The following CLTCL1 variants were observed in gnomAD, a reference collection of about 807,000 sequenced individuals.
CLTCL1 encodes the protein clathrin heavy chain like 1.
In CLTCL1, 159 loss-of-function variants were observed where a neutral mutation model predicts 190.0. That is an observed-to-expected ratio of 0.84 (90% CI 0.74 to 0.95). The LOEUF (loss-of-function observed/expected upper bound fraction) is 0.95, where lower values mean the gene tolerates loss of function less well. CLTCL1 is among the 40% of genes least tolerant of loss of function. The probability of loss-of-function intolerance (pLI) is 0.00; values close to 1 mark genes in which losing one functional copy is unlikely to be tolerated. For missense variants in CLTCL1, 1,878 were observed against 2,033.4 expected, an observed-to-expected ratio of 0.92 and a Z score of 1.47; for synonymous variants, 752 against 769.6, an observed-to-expected ratio of 0.98 and a Z score of 0.38.
chr22:19,252,786 G>A (rs560697107), intron 3 of CLTCL1, among the ~76,000 whole-genome samples: 10 of 152,244 alleles, frequency 6.6e-5, no homozygotes, highest in African/African-American at 1.4e-4. Context: ...AGGCCAAGGC[G>A]GGCGGATCAC....
chr22:19,189,314 C>T (rs1422529438), intron 27 of CLTCL1, among the ~76,000 whole-genome samples: 1 of 152,210 alleles, frequency 6.6e-6, no homozygotes, highest in Admixed American at 6.5e-5. Context: ...ACTAAACAAA[C>T]AAAAAGACTC....
Position 19,291,693 on chromosome 22 carries a change from G to C in CLTCL1, c.-52C>G, listed in dbSNP as rs1352966749. On this transcript the variant is annotated 5_prime_UTR_variant, in exon 1 of 33. Transcript: ENST00000427926. Reference sequence around the variant, plus strand: ...GGCGGCAGCGGCAGGAATGAACGCCGACCCCTCGCGCGGGCTGACCGGTGG... The same window carrying C: ...GGCGGCAGCGGCAGGAATGAACGCCCACCCCTCGCGCGGGCTGACCGGTGG... 4 of 1,322,822 alleles carry C rather than the reference G, an allele frequency of 3.0e-6. No homozygotes were observed. The highest frequency in any genetic ancestry group is 3.9e-6 in the Non-Finnish European group (4 of 1,027,012). 81.9% of individuals were successfully genotyped at this position (1,322,822 alleles called of 1,614,324 possible). A position where few individuals can be genotyped will look rare whatever the true frequency, so the allele number is the denominator to read the frequency against.
chr22:19,187,562 T>C lies in CLTCL1; in HGVS notation c.4601A>G (p.Tyr1534Cys), dbSNP rs782781279. 13 of 1,610,742 alleles carry C rather than the reference T, an allele frequency of 8.1e-6. No individual in the cohort carries two copies. Among genetic ancestry groups the C allele is most frequent in the Middle Eastern group, 2.1e-4 (1 of 4,858 alleles). ...SVELCKKDHL[Y>C]KDAMQHAAES... ...AAACGGGCCCAGGCCACCAACCTTG[T>C]AGAGATGATCCTTCTTGCAGAGCTC... Residue 1534 changes from tyrosine to cysteine, a missense_variant, in exon 29 of 33, where the codon TAC becomes TGC. Transcript: ENST00000427926.
chr22:19,276,826 C>T (rs1322154155), intron 1 of CLTCL1, among the ~76,000 whole-genome samples: 3 of 152,142 alleles, frequency 2.0e-5, no homozygotes, highest in African/African-American at 7.2e-5. Context: ...CCCGCCACCA[C>T]GCCTGGCTAT....
rs1555957868 is a variant in CLTCL1, at chr22:19,229,820, A to C, written c.1782+18T>G. 1.9e-6 allele frequency: 3 copies of C among 1,584,046 alleles called. No homozygotes were observed. The highest frequency in any genetic ancestry group is 3.7e-5 in the Admixed American group (2 of 53,492). On this transcript the variant is annotated intron_variant, in intron 11 of 32. Coordinates refer to ENST00000427926, the MANE Select transcript of CLTCL1 (RefSeq NM_007098.4). ...CACAGGTGCTCTGCCTCTCGGTGTTAGCCTACAAGTCACTGACCTGGGGTG... is the reference window on the plus strand; with the variant it reads ...CACAGGTGCTCTGCCTCTCGGTGTTCGCCTACAAGTCACTGACCTGGGGTG...
At chr22:19,235,902 G>T (rs782658338) in intron 5 of CLTCL1, 33 bp from the exon 6 acceptor site, 27 of 1,576,916 alleles carry the variant, frequency 1.7e-5, no homozygotes, top group African/African-American at 2.7e-5. Context: ...AGGTTGGAAA[G>T]TAAGGAGGAG....
chr22:19,275,699 T>C lies in CLTCL1; in HGVS notation c.174A>G (p.Pro58=). 1 of 1,607,088 alleles carries C rather than the reference T, an allele frequency of 6.2e-7. No individual in the cohort carries two copies. Among genetic ancestry groups the C allele is most frequent in the South Asian group, 1.1e-5 (1 of 89,410 alleles). The change falls in exon 2 of 33, where the codon CCA becomes CCG. Residue 58 remains proline, a synonymous_variant. Transcript: ENST00000427926. ...AQVTIIDMSD[P]MAPIRRPISA... ...AGATAGGCCGTCGGATCGGAGCCATTGGGTCACTCATGTCAATGATCGTGA... is the reference window on the plus strand; with the variant it reads ...AGATAGGCCGTCGGATCGGAGCCATCGGGTCACTCATGTCAATGATCGTGA...
At position 19,203,530 on chromosome 22, in the gene CLTCL1, G is replaced by A. The variant is rs5748039; in HGVS notation, c.3601-2037C>T. Among the ~76,000 whole-genome samples the A allele has an allele frequency of 9.4e-3, 1,437 of 152,174 alleles. 34 individuals are homozygous for A. The highest frequency in any genetic ancestry group is 0.069 in the East Asian group (356 of 5,178). On this transcript the variant is annotated intron_variant, in intron 22 of 32. Transcript: ENST00000427926. ...AGGGTCACTGCTCCTCCAGACAGAC[G>A]CAGACATGGTTTTCTGGACACCCCT...
intron 27 of CLTCL1, among the ~76,000 whole-genome samples, chr22:19,190,632 C>T (rs563011982): frequency 9.2e-5 from 13 of 140,950 alleles, no homozygotes; most frequent in African/African-American, 2.9e-4. Context: ...TCACTGATCA[C>T]AGATCACCAT....
Position 19,180,826 on chromosome 22 carries a change from C to A in CLTCL1, c.4828-20G>T. On this transcript the variant is annotated intron_variant, in intron 30 of 32. Coordinates refer to ENST00000427926, the MANE Select transcript of CLTCL1 (RefSeq NM_007098.4). ...GTCCACCTGCAAGGAGGCAAAAGCA[C>A]GTGAGCACCCGCTTGACAGAGTGCA... 4.3e-6 allele frequency: 7 copies of A among 1,612,156 alleles called. No individual in the cohort carries two copies. Among genetic ancestry groups the A allele is most frequent in the South Asian group, 1.1e-5 (1 of 91,050 alleles).
rs1341614400 is a variant in CLTCL1, at chr22:19,222,705, G to C, written c.2397C>G (p.Tyr799Ter). 1.0e-5 allele frequency: 16 copies of C among 1,592,560 alleles called. No individual in the cohort carries two copies. The highest frequency in any genetic ancestry group is 1.3e-5 in the African/African-American group (1 of 74,586). The change falls in exon 15 of 33, where the codon TAC (tyrosine) becomes TAG (stop). Residue 799 changes from tyrosine to a stop codon, truncating the protein, a stop_gained. Transcript: ENST00000427926. LOFTEE classifies it high-confidence loss of function. Reference protein sequence around the residue: ...LYLYRNNLQRYIEIYVQKVNP... With the variant: ...LYLYRNNLQR ...GTACCTTCTGCACGTAGATCTCAAT[G>C]TACCTCTGCAGGTTGTTGCGGTATA...
intron 3 of CLTCL1, among the ~76,000 whole-genome samples, chr22:19,247,133 T>C (rs1304141405): frequency 6.6e-6 from 1 of 152,240 alleles, no homozygotes; most frequent in Non-Finnish European, 1.5e-5. Context: ...TTTTACCTTC[T>C]ACATTGAGGT....
chr22:19,288,208 T>C (rs781862759), intron 1 of CLTCL1, among the ~76,000 whole-genome samples: 1 of 152,202 alleles, frequency 6.6e-6, no homozygotes, highest in Non-Finnish European at 1.5e-5. Flanking sequence ...ATTTACTTAA[T>C]AATGGCCCCA....
chr22:19,213,630 G>A (rs1415965056), intron 19 of CLTCL1, among the ~76,000 whole-genome samples: 1 of 152,226 alleles, frequency 6.6e-6, no homozygotes, highest in South Asian at 2.1e-4. Flanking sequence ...CACTCACCAA[G>A]TTGGATGAAT....
chr22:19,208,353 A>C, intron 21 of CLTCL1, 42 bp from the exon 22 acceptor site: 2 of 1,601,324 alleles, frequency 1.2e-6, no homozygotes, highest in Non-Finnish European at 1.7e-6. Context: ...AGAGCTGATA[A>C]TTTTAAACAA....
Position 19,262,512 on chromosome 22 carries a change from G to A in CLTCL1, c.251-8285C>T, listed in dbSNP as rs925805215. Among the ~76,000 whole-genome samples, 4 of 150,878 alleles carry A rather than the reference G, an allele frequency of 2.7e-5. No individual in the cohort carries two copies. The South Asian group carries it at 8.5e-4, about 32-fold the overall frequency. On this transcript the variant is annotated intron_variant, in intron 2 of 32. Transcript: ENST00000427926. ...CTGGGCTTGGTGGCAGGTGCCTGTG[G>A]TCCCACCTATTTGGGAGGCTGAGGC... is the stretch of plus-strand genomic sequence containing the variant.
intron 16 of CLTCL1, among the ~76,000 whole-genome samples, 158 bp from the exon 17 acceptor site, chr22:19,221,769 G>C (rs949372768): frequency 5.9e-5 from 9 of 152,162 alleles, no homozygotes; most frequent in Non-Finnish European, 8.8e-5. Flanking sequence ...TTTCCAAACT[G>C]ATTTCTACTG....
chr22:19,242,789 G>A lies in CLTCL1; in HGVS notation c.667C>T (p.Pro223Ser), dbSNP rs782218936. The stretch of plus-strand genomic sequence containing the variant: ...GTGGATCTTACCTTGCCTCCTGTGG[G>A]ATTACGTACAGCAAAGCAGAAAAGG... ...ATLFCFAVRNPTGGKLHIIEV... is the reference protein window; with the variant it reads ...ATLFCFAVRNSTGGKLHIIEV... The change falls in exon 4 of 33, where the codon CCC (proline) becomes TCC (serine). Residue 223 changes from proline (P) to serine (S), a missense_variant. Pro to Ser is a moderately conservative substitution (Grantham distance 74). Coordinates refer to ENST00000427926, the MANE Select transcript of CLTCL1 (RefSeq NM_007098.4). The A allele has an allele frequency of 2.5e-6, 4 of 1,613,774 alleles. No individual in the cohort carries two copies. In the Admixed American group the frequency reaches 5.0e-5, roughly 20 times the overall value.
rs1555945817 is a variant in CLTCL1, at chr22:19,210,398, A to G, written c.3177T>C (p.Ala1059=). 1 of 1,614,024 alleles carries G rather than the reference A, an allele frequency of 6.2e-7. No individual in the cohort carries two copies. The highest frequency in any genetic ancestry group is 8.5e-7 in the Non-Finnish European group (1 of 1,179,882). ...CCTCCTCATACAGTGCGCTGCTGAC[A>G]GCGATGCTCGCGATGTCCAGTGCGT... ...NYDALDIASI[A]VSSALYEEAF... Residue 1059 remains alanine, a synonymous_variant, in exon 20 of 33, where the codon GCT becomes GCC. Transcript: ENST00000427926.
Sources: gnomAD v4.1 joint callset for allele counts (sites outside exome capture counted in the v4.1 genomes callset) on GRCh38, gnomAD v4.1.1 for gene constraint, MANE v1.5 for transcripts, NCBI Gene and HGNC (gene_info 2026-07-23, HGNC 2026-07-21) for gene names.